The following CA10 variants were observed in gnomAD, a reference collection of about 807,000 sequenced individuals.
CA10 encodes carbonic anhydrase-related protein 10.
CA10 carries 14 observed loss-of-function variants against 44.2 expected under a neutral mutation model. That is an observed-to-expected ratio of 0.32 (90% CI 0.21 to 0.50). The LOEUF is 0.50. Ranked by LOEUF, CA10 falls within the 20% of genes least tolerant of loss-of-function variation. The pLI is 0.99. For missense variants in CA10, 350 were observed against 409.7 expected (o/e 0.85, Z 1.26); for synonymous variants, 159 against 141.6 (o/e 1.12, Z -0.87).
intron 3 of CA10, among the ~76,000 whole-genome samples, chr17:51,790,208 G>T (rs1480849370): frequency 2.0e-5 from 3 of 152,160 alleles, no homozygotes; most frequent in African/African-American, 7.2e-5. Context: ...TTAATGTGCT[G>T]CTTTGCTGGA....
intron 3 of CA10, among the ~76,000 whole-genome samples, chr17:51,901,901 A>T (rs1225186033): frequency 6.6e-6 from 1 of 152,160 alleles, no homozygotes; most frequent in African/African-American, 2.4e-5. Flanking sequence ...TGTTACCAAG[A>T]GTTTAAAATA....
At chr17:51,712,540 T>A (rs1306656311) in intron 4 of CA10, among the ~76,000 whole-genome samples, 1 of 152,286 alleles carries the variant, frequency 6.6e-6, no homozygotes. Context: ...ATAATAAAAA[T>A]TTGCTCTGTA....
At chr17:51,721,665 T>TA (rs951015942) in intron 4 of CA10, among the ~76,000 whole-genome samples, 159 of 147,776 alleles carry the variant, frequency 1.1e-3, no homozygotes, top group Middle Eastern at 0.01. Flanking sequence ...ATGTATGAAT[T>TA]AAAAAAAAAA....
intron 3 of CA10, among the ~76,000 whole-genome samples, 172 bp from the exon 4 acceptor site, chr17:51,747,990 T>C (rs1004395637): frequency 5.3e-5 from 8 of 152,182 alleles, no homozygotes; most frequent in Non-Finnish European, 1.0e-4. Flanking sequence ...GTGGGATCTA[T>C]GGTAATTTCT....
At position 51,928,500 on chromosome 17, in the gene CA10, G is replaced by A. The variant is rs190579154; in HGVS notation, c.279+2490C>T. ...AATATGTTAAAATAAACATAGTAACGCAAGTCAGGGGCTTCCAGAGAGCTG... is the reference window on the plus strand; with the variant it reads ...AATATGTTAAAATAAACATAGTAACACAAGTCAGGGGCTTCCAGAGAGCTG... On this transcript the variant is annotated intron_variant, in intron 3 of 8. Coordinates refer to ENST00000451037, the MANE Select transcript of CA10 (RefSeq NM_020178.5). Among the ~76,000 whole-genome samples, 387 of 152,156 alleles carry A rather than the reference G, an allele frequency of 2.5e-3. 1 individual carries two copies. The highest frequency in any genetic ancestry group is 4.1e-3 in the Non-Finnish European group (279 of 67,992).
chr17:51,884,540 G>C (rs1234092218), intron 3 of CA10, among the ~76,000 whole-genome samples: 1 of 152,090 alleles, frequency 6.6e-6, no homozygotes, highest in East Asian at 1.9e-4. Flanking sequence ...TCTCATTGAG[G>C]CTTTCCATGA....
chr17:52,080,091 A>T (rs1286553260), intron 1 of CA10, among the ~76,000 whole-genome samples: 1 of 152,220 alleles, frequency 6.6e-6, no homozygotes, highest in Non-Finnish European at 1.5e-5. Flanking sequence ...TTGGGAGATA[A>T]GAAAAAAATA....
chr17:51,724,303 C>A (rs553903631), intron 4 of CA10, among the ~76,000 whole-genome samples: 6 of 152,284 alleles, frequency 3.9e-5, no homozygotes, highest in African/African-American at 1.4e-4. Context: ...TTTGGTTCTG[C>A]CTGCTTATTT....
chr17:52,157,076 G>A (rs989880581), intron 1 of CA10, among the ~76,000 whole-genome samples: 4 of 152,160 alleles, frequency 2.6e-5, no homozygotes, highest in South Asian at 2.1e-4. Flanking sequence ...GTCTGAGCCA[G>A]CACATCCTTG....
chr17:51,966,327 A>G (rs1984079973), intron 2 of CA10, among the ~76,000 whole-genome samples: 1 of 151,868 alleles, frequency 6.6e-6, no homozygotes, highest in African/African-American at 2.4e-5. Context: ...TATACTACCA[A>G]TGTTATTTTT....
rs1567854687 is a variant in CA10 at position 51,831,733 on chromosome 17, A to AGCAGCAGCAGCAGCAGC, written c.280-83916_280-83915insGCTGCTGCTGCTGCTGC. 6.7e-4 allele frequency among the ~76,000 whole-genome samples: 82 copies of AGCAGCAGCAGCAGCAGC among 121,568 alleles called. 10 individuals are homozygous for AGCAGCAGCAGCAGCAGC. The highest frequency in any genetic ancestry group is 2.3e-3 in the South Asian group (9 of 3,936). 79.8% of individuals were successfully genotyped at this position (121,568 alleles called of 152,430 possible). ...GCAGCAGCAGCAGCAGCAGCAGCAG[A>AGCAGCAGCAGCAGCAGC]AAAAGACCTTCCTTCCACCTTATTT... On this transcript the variant is annotated intron_variant, in intron 3 of 8. Coordinates refer to ENST00000451037, the MANE Select transcript of CA10 (RefSeq NM_020178.5).
In CA10 at chr17:51,931,068, C is replaced by T. The variant is rs143498531; in HGVS notation, c.201G>A (p.Ser67=). 1.9e-4 allele frequency: 300 copies of T among 1,613,590 alleles called. 1 individual carries two copies. The South Asian group carries it at 3.0e-3, about 16-fold the overall frequency. The change falls in exon 3 of 9, where the codon TCG becomes TCA. Residue 67 remains serine (S), a synonymous_variant. Transcript: ENST00000451037. ...TGTGACTGGTCTCTATGTTGACTGG[C>T]GACTGCCGTTTCCCCACAGAGCAAA... ...WNLCSVGKRQ[S]PVNIETSHMI...
intron 1 of CA10, among the ~76,000 whole-genome samples, chr17:52,094,368 A>T (rs1336693022): frequency 6.6e-6 from 1 of 152,174 alleles, no homozygotes; most frequent in Non-Finnish European, 1.5e-5. Flanking sequence ...TAAACAATAA[A>T]GTTTCTAGAA....
At chr17:51,891,674 A>T (rs762148416) in intron 3 of CA10, among the ~76,000 whole-genome samples, 3 of 152,206 alleles carry the variant, frequency 2.0e-5, no homozygotes, top group Non-Finnish European at 2.9e-5. Flanking sequence ...ATGGAAGAAG[A>T]AGTCAGGAGG....
At chr17:51,911,812 C>G (rs191073088) in intron 3 of CA10, among the ~76,000 whole-genome samples, 9 of 152,216 alleles carry the variant, frequency 5.9e-5, no homozygotes, top group South Asian at 2.1e-4. Context: ...ATTCTTCAAC[C>G]TAGCTTGGCC....
At position 51,633,753 on chromosome 17, in the gene CA10, T is replaced by C. The variant is rs1597951400; in HGVS notation, c.790-103A>G. 15 of 1,305,022 alleles carry C rather than the reference T, an allele frequency of 1.1e-5. 1 individual carries two copies. Among genetic ancestry groups the C allele is most frequent in the South Asian group, 8.8e-5 (6 of 68,040 alleles). The allele number at this position is 1,305,022 out of a possible 1,614,324, so 80.8% of individuals were successfully genotyped here. A position where few individuals can be genotyped will look rare whatever the true frequency, so the allele number is the denominator to read the frequency against. ...TGGCCAAGCTAGGTGGTATTGGCTG[T>C]ATGAGGAAAGGGCTGTATAAGCCCC... On this transcript the variant is annotated intron_variant, in intron 7 of 8. Coordinates refer to ENST00000451037, the MANE Select transcript of CA10 (RefSeq NM_020178.5).
At chr17:51,908,552 C>G (rs1462145456) in intron 3 of CA10, among the ~76,000 whole-genome samples, 1 of 152,130 alleles carries the variant, frequency 6.6e-6, no homozygotes, top group Non-Finnish European at 1.5e-5. Flanking sequence ...TTTCCTCTGA[C>G]AGCATTCAAC....
intron 1 of CA10, among the ~76,000 whole-genome samples, chr17:52,080,469 T>C (rs1168640860): frequency 1.4e-5 from 2 of 142,996 alleles, no homozygotes; most frequent in Admixed American, 1.4e-4. Context: ...AATAAATAAA[T>C]AAATAAATAA....
At chr17:51,936,404 T>TG (rs1004214149) in intron 2 of CA10, among the ~76,000 whole-genome samples, 7 of 152,212 alleles carry the variant, frequency 4.6e-5, no homozygotes, top group African/African-American at 1.7e-4. Context: ...CTAGGTAGCA[T>TG]GGTCAAGGGT....
Sources: gnomAD v4.1 joint callset for allele counts (sites outside exome capture counted in the v4.1 genomes callset) on GRCh38, gnomAD v4.1.1 for gene constraint, MANE v1.5 for transcripts, NCBI Gene and HGNC (gene_info 2026-07-23, HGNC 2026-07-21) for gene names.